Variants in SYNE1 observed in about 807,000 individuals in gnomAD.
The protein encoded by SYNE1 is spectrin repeat containing nuclear envelope protein 1.
In SYNE1, 616 loss-of-function variants were observed where a neutral mutation model predicts 1,111.0. That is an observed-to-expected ratio of 0.55 (90% CI 0.52 to 0.59). The LOEUF is 0.59. SYNE1 is among the 20% of genes least tolerant of loss of function. The probability of loss-of-function intolerance (pLI) is 0.00; values close to 1 mark genes in which losing one functional copy is unlikely to be tolerated. For synonymous variants in SYNE1, 3,855 were observed against 3,825.8 expected, an observed-to-expected ratio of 1.01 and a Z score of -0.28; for missense variants, 10,006 against 10,417.0, an observed-to-expected ratio of 0.96 and a Z score of 1.72.
In SYNE1 at chr6:152,240,265, T is replaced by C. The variant is rs541155985; in HGVS notation, c.19894-559A>G. Among the ~76,000 whole-genome samples, 5 of 152,136 alleles carry C rather than the reference T, an allele frequency of 3.3e-5. No homozygotes were observed. The South Asian group carries it at 1.0e-3, about 32-fold the overall frequency. ...TCTGAGTTTTTCTTTGCCAGGACAG[T>C]TGGAGCTCTGGTTGGAGACTCCATC... is the stretch of plus-strand genomic sequence containing the variant. On this transcript the variant is annotated intron_variant, in intron 107 of 145. Transcript: ENST00000367255.
intron 100 of SYNE1, among the ~76,000 whole-genome samples, chr6:152,267,271 T>C (rs543220186): frequency 5.9e-5 from 9 of 152,344 alleles, no homozygotes; most frequent in Non-Finnish European, 7.4e-5. Flanking sequence ...AATTACAACT[T>C]TTAGTAATAC....
intron 25 of SYNE1, among the ~76,000 whole-genome samples, chr6:152,452,619 T>C (rs958320983): frequency 1.3e-5 from 2 of 152,210 alleles, no homozygotes; most frequent in African/African-American, 2.4e-5. Context: ...CTCCTCCATG[T>C]AGCGCATGTG....
At chr6:152,451,513 C>A (rs1162203444) in intron 25 of SYNE1, among the ~76,000 whole-genome samples, 2 of 122,922 alleles carry the variant, frequency 1.6e-5, no homozygotes, top group African/African-American at 6.5e-5. Context: ...GATGGAGTCT[C>A]GCTCTGTCGC....
At chr6:152,582,265 C>T (rs901555189) in intron 3 of SYNE1, among the ~76,000 whole-genome samples, 2 of 152,108 alleles carry the variant, frequency 1.3e-5, no homozygotes, top group African/African-American at 2.4e-5. Context: ...GTAAGATCTC[C>T]CATAATATCA....
At chr6:152,611,443 C>G (rs1403945496) in intron 3 of SYNE1, among the ~76,000 whole-genome samples, 3 of 152,130 alleles carry the variant, frequency 2.0e-5, no homozygotes, top group Non-Finnish European at 4.4e-5. Context: ...ACAAGAAGAG[C>G]TAACTATCCT....
chr6:152,416,473 C>A lies in SYNE1; in HGVS notation c.5964G>T (p.Glu1988Asp), dbSNP rs1453683356. The A allele has an allele frequency of 3.7e-6, 6 of 1,614,004 alleles. No homozygotes were observed. In the East Asian group the frequency reaches 1.3e-4, roughly 36 times the overall value. Residue 1988 changes from glutamate to aspartate, a missense_variant, in exon 41 of 146, where the codon GAG (glutamate) becomes GAT (aspartate). Physicochemically the swap from Glu to Asp is conservative, Grantham distance 45. Coordinates refer to ENST00000367255, the MANE Select transcript of SYNE1 (RefSeq NM_182961.4). The stretch of plus-strand genomic sequence containing the variant: ...TGTCCTCAATGCTTTTCAGAAGCTC[C>A]TCTTTCTGGTCTTGGAATGCTTTTT... ...VLKKAFQDQK[E>D]ELLKSIEDIE...
intron 3 of SYNE1, among the ~76,000 whole-genome samples, chr6:152,542,037 T>C (rs13436996): frequency 0.067 from 10,229 of 152,170 alleles, 1,185 homozygotes; most frequent in African/African-American, 0.23. Flanking sequence ...CCCACCAGCA[T>C]GTACTGAGTA....
intron 42 of SYNE1, among the ~76,000 whole-genome samples, chr6:152,412,684 T>C (rs112211436): frequency 8.2e-4 from 125 of 152,278 alleles, no homozygotes; most frequent in Admixed American, 1.6e-3. Context: ...TCAAAACTGA[T>C]AGCATTGCGT....
At chr6:152,154,365 T>A (rs939800189) in intron 133 of SYNE1, among the ~76,000 whole-genome samples, 9 of 152,198 alleles carry the variant, frequency 5.9e-5, no homozygotes, top group African/African-American at 2.2e-4. Flanking sequence ...TCAAGACCAG[T>A]ACTACTCTTC....
chr6:152,472,229 TA>T, intron 15 of SYNE1, 71 bp downstream of exon 15: 2 of 1,331,412 alleles, frequency 1.5e-6, no homozygotes, highest in South Asian at 2.6e-5. Flanking sequence ...CATGAAAAAA[TA>T]AAAGAAATAT....
intron 140 of SYNE1, among the ~76,000 whole-genome samples, 200 bp downstream of exon 140, chr6:152,139,750 A>AAAGAAAGAAAG (rs1237531271): frequency 6.9e-5 from 10 of 145,006 alleles, no homozygotes; most frequent in Non-Finnish European, 1.1e-4. Context: ...AGAAAGAAAG[A>AAAGAAAGAAAG]AAAGAAAAAA....
chr6:152,501,630 G>C (rs1446340886), intron 10 of SYNE1, among the ~76,000 whole-genome samples: 1 of 152,040 alleles, frequency 6.6e-6, no homozygotes, highest in Non-Finnish European at 1.5e-5. Context: ...AGCTACTTAG[G>C]AGGCTGAGGC....
chr6:152,216,751 AAT>A, intron 121 of SYNE1, among the ~76,000 whole-genome samples: 1 of 152,294 alleles, frequency 6.6e-6, no homozygotes, highest in South Asian at 2.1e-4. Flanking sequence ...TACTTGATTG[AAT>A]ATTTAAAATC....
At chr6:152,371,825 AAGGACAGGACAGGACAGGAC>A (rs1179484706) in intron 59 of SYNE1, among the ~76,000 whole-genome samples, 1 of 95,380 alleles carries the variant, frequency 1.0e-5, no homozygotes, top group African/African-American at 4.2e-5. Flanking sequence ...AAGGACAGGA[AAGGACAGGACAGGACAGGAC>A]AGGAAAGGAA....
Position 152,254,865 on chromosome 6 carries a change from T to C in SYNE1, c.19470+15A>G, listed in dbSNP as rs770618320. On this transcript the variant is annotated intron_variant, in intron 104 of 145. Coordinates refer to ENST00000367255, the MANE Select transcript of SYNE1 (RefSeq NM_182961.4). ...TAGAGAATGGTCACGTATCCTTTGA[T>C]AATATCTTACTTACCTGGAAATTTA... The C allele has an allele frequency of 1.1e-5, 18 of 1,609,008 alleles. No individual in the cohort carries two copies.
chr6:152,534,704 C>T (rs542411765), intron 4 of SYNE1, among the ~76,000 whole-genome samples: 12 of 152,192 alleles, frequency 7.9e-5, no homozygotes, highest in African/African-American at 2.6e-4. Flanking sequence ...AATAGTCTCA[C>T]CAAAATGTGT....
At chr6:152,439,771 G>A (rs215001) in intron 32 of SYNE1, among the ~76,000 whole-genome samples, 70,868 of 151,870 alleles carry the variant, frequency 0.47, 18,717 homozygotes, top group East Asian at 0.75. Flanking sequence ...CTAAGACACC[G>A]GTTAGTTCAT....
chr6:152,270,212 T>C (rs2093088393), intron 98 of SYNE1, among the ~76,000 whole-genome samples: 1 of 152,218 alleles, frequency 6.6e-6, no homozygotes, highest in Non-Finnish European at 1.5e-5. Flanking sequence ...ATTAATAGAC[T>C]GTACTCAAAG....
At chr6:152,349,582 T>C (rs1266089394) in intron 72 of SYNE1, among the ~76,000 whole-genome samples, 1 of 152,178 alleles carries the variant, frequency 6.6e-6, no homozygotes, top group Non-Finnish European at 1.5e-5. Flanking sequence ...AATGCAGCAA[T>C]GTGTTCAGAA....
Sources: allele counts gnomAD v4.1 joint callset (sites outside exome capture counted in the v4.1 genomes callset), GRCh38; gene constraint gnomAD v4.1.1; transcripts MANE v1.5; gene names NCBI Gene and HGNC (gene_info 2026-07-23, HGNC 2026-07-21).